Variants in FHIT observed in about 807,000 individuals in gnomAD.
FHIT encodes fragile histidine triad diadenosine triphosphatase.
FHIT carries 19 observed loss-of-function variants against 17.9 expected under a neutral mutation model. The ratio of observed to expected loss-of-function variants is 1.06; its 90% CI spans 0.74 to 1.56. The LOEUF is 1.56. FHIT is among the 40% of genes most tolerant of loss of function. FHIT has a pLI of 0.00. For missense variants in FHIT, 248 were observed against 189.2 expected (o/e 1.31, Z -1.82); for synonymous variants, 81 against 69.7 (o/e 1.16, Z -0.81).
chr3:60,546,594 A>T (rs891794340), intron 4 of FHIT, among the ~76,000 whole-genome samples: 1 of 152,170 alleles, frequency 6.6e-6, no homozygotes, highest in Non-Finnish European at 1.5e-5. Context: ...ATGTAAGGAC[A>T]TTCCCTTCTC....
chr3:61,003,642 A>G (rs766573323), intron 3 of FHIT, among the ~76,000 whole-genome samples: 11 of 152,366 alleles, frequency 7.2e-5, no homozygotes, highest in East Asian at 3.9e-4. Context: ...CAAGCTTTCA[A>G]TGTAAGAAAT....
intron 4 of FHIT, among the ~76,000 whole-genome samples, chr3:60,589,429 C>T (rs1313977211): frequency 6.6e-6 from 1 of 152,048 alleles, no homozygotes; most frequent in Non-Finnish European, 1.5e-5. Flanking sequence ...AATAACATAT[C>T]CTGGAGGCCA....
At chr3:60,073,497 C>G (rs991128944) in intron 5 of FHIT, among the ~76,000 whole-genome samples, 1 of 152,054 alleles carries the variant, frequency 6.6e-6, no homozygotes, top group African/African-American at 2.4e-5. Flanking sequence ...TTATGTTCGT[C>G]TCACGTTTGC....
intron 4 of FHIT, among the ~76,000 whole-genome samples, chr3:60,670,075 C>T (rs1472591252): frequency 1.3e-5 from 2 of 152,146 alleles, no homozygotes; most frequent in Non-Finnish European, 2.9e-5. Flanking sequence ...TTTTCAGAAA[C>T]GATCTTTCTC....
At chr3:60,315,922 C>A (rs1423350364) in intron 5 of FHIT, among the ~76,000 whole-genome samples, 1 of 152,110 alleles carries the variant, frequency 6.6e-6, no homozygotes, top group Admixed American at 6.5e-5. Flanking sequence ...TTGTTTTCTC[C>A]CCTATAACTA....
intron 4 of FHIT, among the ~76,000 whole-genome samples, chr3:60,642,231 G>T (rs1233917296): frequency 6.6e-6 from 1 of 152,114 alleles, no homozygotes; most frequent in Non-Finnish European, 1.5e-5. Context: ...GGGCAGACAA[G>T]GTCGCCTAAT....
intron 4 of FHIT, among the ~76,000 whole-genome samples, chr3:60,658,824 C>T (rs1160376421): frequency 6.6e-6 from 1 of 151,910 alleles, no homozygotes; most frequent in Non-Finnish European, 1.5e-5. Context: ...TTTATAATTG[C>T]CCACATTTTT....
chr3:59,946,813 T>C (rs1706829424), intron 7 of FHIT, among the ~76,000 whole-genome samples: 1 of 152,184 alleles, frequency 6.6e-6, no homozygotes, highest in African/African-American at 2.4e-5. Context: ...ATGAATCACA[T>C]TTATTGATTT....
intron 4 of FHIT, among the ~76,000 whole-genome samples, chr3:60,791,849 G>A (rs9878766): frequency 0.6 from 92,030 of 152,132 alleles, 30,707 homozygotes; most frequent in African/African-American, 0.9. Context: ...GAATGCTAAC[G>A]TAGTCTATCA....
chr3:60,823,753 C>T (rs908278603), intron 3 of FHIT, among the ~76,000 whole-genome samples: 5 of 152,070 alleles, frequency 3.3e-5, no homozygotes, highest in African/African-American at 1.2e-4. Flanking sequence ...GAAATCAATA[C>T]AGTGTGTTTG....
intron 3 of FHIT, among the ~76,000 whole-genome samples, chr3:60,896,994 A>C (rs1553762117): frequency 3.9e-5 from 6 of 152,164 alleles, no homozygotes; most frequent in Non-Finnish European, 8.8e-5. Context: ...AAAAATAATC[A>C]GACACATAGA....
chr3:60,256,239 T>C (rs1705986126), intron 5 of FHIT, among the ~76,000 whole-genome samples: 1 of 152,174 alleles, frequency 6.6e-6, no homozygotes, highest in Admixed American at 6.5e-5. Context: ...TAAGAACTGG[T>C]GCCTCTTCCT....
intron 3 of FHIT, among the ~76,000 whole-genome samples, chr3:60,858,565 A>G (rs1703480965): frequency 1.3e-5 from 2 of 152,174 alleles, no homozygotes; most frequent in African/African-American, 4.8e-5. Context: ...TTATGAAGTG[A>G]GGGCTTCTTT....
chr3:60,288,329 T>C (rs986447137), intron 5 of FHIT, among the ~76,000 whole-genome samples: 1 of 152,076 alleles, frequency 6.6e-6, no homozygotes, highest in Non-Finnish European at 1.5e-5. Context: ...TGGGAGGAGA[T>C]GTCACTAGGA....
chr3:61,192,762 A>G (rs1560058335), intron 2 of FHIT, among the ~76,000 whole-genome samples: 2 of 141,790 alleles, frequency 1.4e-5, no homozygotes. Flanking sequence ...ATGGGTCTTC[A>G]GTGAATTCTC....
intron 5 of FHIT, among the ~76,000 whole-genome samples, chr3:60,411,941 TA>T (rs1019659996): frequency 5.3e-5 from 8 of 152,128 alleles, no homozygotes; most frequent in African/African-American, 1.9e-4. Flanking sequence ...CATGTTTTTT[TA>T]AAAAATCATT....
intron 5 of FHIT, among the ~76,000 whole-genome samples, chr3:60,030,026 G>C (rs1359689267): frequency 6.6e-6 from 1 of 151,874 alleles, no homozygotes; most frequent in Non-Finnish European, 1.5e-5. Context: ...TCCCGTCATG[G>C]CCTTTCCTAG....
At chr3:60,780,541 G>A (rs945724459) in intron 4 of FHIT, among the ~76,000 whole-genome samples, 1 of 152,092 alleles carries the variant, frequency 6.6e-6, no homozygotes, top group Admixed American at 6.6e-5. Flanking sequence ...CTAATAACCT[G>A]GTTTGTCTGT....
intron 5 of FHIT, among the ~76,000 whole-genome samples, chr3:60,403,038 C>T (rs1404171676): frequency 6.6e-6 from 1 of 152,186 alleles, no homozygotes; most frequent in Non-Finnish European, 1.5e-5. Context: ...GACTGGTTCT[C>T]TGCTTTAGCA....
Sources: allele counts gnomAD v4.1 joint callset (sites outside exome capture counted in the v4.1 genomes callset), GRCh38; gene constraint gnomAD v4.1.1; transcripts MANE v1.5; gene names NCBI Gene and HGNC (gene_info 2026-07-23, HGNC 2026-07-21).